Variants in CRISP1 observed in about 807,000 individuals in gnomAD.
CRISP1 encodes the protein cysteine rich secretory protein 1, also known as cysteine-rich secretory protein 1.
A neutral mutation model predicts 33.1 loss-of-function variants in CRISP1; 44 were observed. That is an observed-to-expected ratio of 1.33 (90% confidence interval 1.05 to 1.71). The LOEUF (loss-of-function observed/expected upper bound fraction) is 1.71, where lower values mean the gene tolerates loss of function less well. Among genes scored for constraint, CRISP1 ranks in the 40% most tolerant of loss-of-function variants. The pLI, the probability that CRISP1 is intolerant of heterozygous loss-of-function variation, is 0.00. For missense variants in CRISP1, 390 were observed against 301.2 expected (o/e 1.29, Z -2.18); for synonymous variants, 103 against 98.7 (o/e 1.04, Z -0.26).
At chr6:49,840,830 AC>A (rs1770960975) in intron 6 of CRISP1, 67 bp downstream of exon 6, 1 of 1,253,126 alleles carries the variant, frequency 8.0e-7, no homozygotes, top group African/African-American at 1.5e-5. Flanking sequence ...ACACAAAAAA[AC>A]AATGTTTGAA....
chr6:49,840,781 C>A (rs892208622), intron 6 of CRISP1, 117 bp downstream of exon 6: 2 of 703,050 alleles, frequency 2.8e-6, no homozygotes, highest in Non-Finnish European at 4.7e-6. Context: ...ATTTCCAGCT[C>A]TTGTCTATTA....
At chr6:49,867,154 A>G (rs2127478769), upstream of CRISP1, among the ~76,000 whole-genome samples, 2 of 152,270 alleles carry the variant, frequency 1.3e-5, 1 homozygote, top group South Asian at 4.1e-4. Flanking sequence ...TAAAACACTA[A>G]AAATTCCAGA....
chr6:49,836,290 T>C (rs1770789401), intron 7 of CRISP1, among the ~76,000 whole-genome samples: 1 of 152,024 alleles, frequency 6.6e-6, no homozygotes, highest in South Asian at 2.1e-4. Flanking sequence ...AGTTTGATCA[T>C]TGCATGAAAT....
chr6:49,843,534 A>C (rs975997089), intron 5 of CRISP1, among the ~76,000 whole-genome samples: 2 of 152,212 alleles, frequency 1.3e-5, no homozygotes, highest in African/African-American at 2.4e-5. Context: ...GAAACTAACT[A>C]TGCTGGCACT....
At chr6:49,844,600 T>C (rs1021508831) in intron 5 of CRISP1, among the ~76,000 whole-genome samples, 5 of 152,134 alleles carry the variant, frequency 3.3e-5, no homozygotes, top group Non-Finnish European at 7.3e-5. Context: ...AGAGGCTGCC[T>C]CACTGAGCTA....
At chr6:49,856,920 C>G (rs1338746448) in intron 2 of CRISP1, among the ~76,000 whole-genome samples, 3 of 152,116 alleles carry the variant, frequency 2.0e-5, no homozygotes, top group Non-Finnish European at 2.9e-5. Flanking sequence ...TCACGTTGCT[C>G]TTTGTGCTGT....
upstream of CRISP1, among the ~76,000 whole-genome samples, chr6:49,868,753 C>T (rs1207660549): frequency 6.6e-6 from 1 of 152,078 alleles, no homozygotes; most frequent in Non-Finnish European, 1.5e-5. Context: ...CTTCTTCATA[C>T]CACTCAGTAA....
Position 49,865,777 on chromosome 6 carries a change from C to T in CRISP1, c.-3+652G>A, listed in dbSNP as rs113313926. Among the ~76,000 whole-genome samples, 1,004 of 152,158 alleles carry T rather than the reference C, an allele frequency of 6.6e-3. 6 individuals are homozygous for T. Among genetic ancestry groups the T allele is most frequent in the African/African-American group, 0.022 (917 of 41,532 alleles). ...AGTTGTGTAATTTACAAGTCCAAGA[C>T]CTAGCATGAAGACCCTGGAGACTTG... is the stretch of plus-strand genomic sequence containing the variant. On this transcript the variant is annotated intron_variant, in intron 1 of 7. Coordinates refer to ENST00000335847, the MANE Select transcript of CRISP1 (RefSeq NM_001131.3).
At chr6:49,843,213 G>C (rs2396920) in intron 5 of CRISP1, among the ~76,000 whole-genome samples, 1 of 151,932 alleles carries the variant, frequency 6.6e-6, no homozygotes, top group East Asian at 1.9e-4. Context: ...TTAATCCTTT[G>C]ATAAGGTAAA....
chr6:49,857,162 C>T (rs1459809097), intron 2 of CRISP1, among the ~76,000 whole-genome samples, 173 bp downstream of exon 2: 1 of 152,116 alleles, frequency 6.6e-6, no homozygotes, highest in Non-Finnish European at 1.5e-5. Context: ...TGGTTCTCTC[C>T]TTTATAAAAT....
intron 5 of CRISP1, among the ~76,000 whole-genome samples, chr6:49,842,611 A>G (rs2127470435): frequency 6.6e-6 from 1 of 152,260 alleles, no homozygotes. Flanking sequence ...GCCTGCTGTC[A>G]TGGGCTTACT....
chr6:49,841,458 A>G (rs1020857846), intron 5 of CRISP1, among the ~76,000 whole-genome samples: 1 of 152,130 alleles, frequency 6.6e-6, no homozygotes. Context: ...CTTTCTGTAC[A>G]TGGGCCGTAC....
At chr6:49,865,831 A>G (rs1052224725) in intron 1 of CRISP1, among the ~76,000 whole-genome samples, 5 of 152,186 alleles carry the variant, frequency 3.3e-5, no homozygotes, top group African/African-American at 1.2e-4. Context: ...GCAGATGGAA[A>G]GACTGCAGAA....
intron 1 of CRISP1, among the ~76,000 whole-genome samples, chr6:49,861,638 C>G (rs553050980): frequency 1.6e-4 from 25 of 152,150 alleles, no homozygotes; most frequent in Admixed American, 4.6e-4. Flanking sequence ...AGTTCCAGCA[C>G]TTTGGGAGGC....
intron 1 of CRISP1, among the ~76,000 whole-genome samples, chr6:49,864,174 A>C (rs1479722964): frequency 6.6e-6 from 1 of 152,130 alleles, no homozygotes; most frequent in African/African-American, 2.4e-5. Flanking sequence ...TTCACTACTC[A>C]TTATTATACT....
At chr6:49,838,409 T>G in intron 7 of CRISP1, 28 bp downstream of exon 7, 1 of 1,556,390 alleles carries the variant, frequency 6.4e-7, no homozygotes, top group Non-Finnish European at 8.8e-7. Context: ...GGGTTAACTG[T>G]AAACAAACAG....
At chr6:49,864,507 T>C (rs1167234875) in intron 1 of CRISP1, among the ~76,000 whole-genome samples, 10 of 152,008 alleles carry the variant, frequency 6.6e-5, no homozygotes, top group Non-Finnish European at 1.3e-4. Context: ...TATTGTCAAA[T>C]ATTTTTCCAA....
At chr6:49,848,545 A>G (rs1468009981) in intron 3 of CRISP1, among the ~76,000 whole-genome samples, 2 of 152,144 alleles carry the variant, frequency 1.3e-5, no homozygotes, top group African/African-American at 4.8e-5. Context: ...TCTCTCTCAG[A>G]TGTAGTAGAG....
chr6:49,855,343 G>C (rs1386413973), intron 2 of CRISP1, among the ~76,000 whole-genome samples: 1 of 152,054 alleles, frequency 6.6e-6, no homozygotes, highest in Non-Finnish European at 1.5e-5. Context: ...GTCTTCAACA[G>C]TTTACCATTC....
Sources: gnomAD v4.1 joint callset for allele counts (sites outside exome capture counted in the v4.1 genomes callset) on GRCh38, gnomAD v4.1.1 for gene constraint, MANE v1.5 for transcripts, NCBI Gene and HGNC (gene_info 2026-07-23, HGNC 2026-07-21) for gene names.